GARIN4: variants seen among roughly 807,000 people sequenced by gnomAD.
The protein encoded by GARIN4 is golgi associated RAB2 interactor family member 4.
the GARIN4 span, chr1:212,626,576 G>A: frequency 4.3e-5 from 69 of 1,614,126 alleles, no homozygotes; most frequent in South Asian, 3.6e-4. Flanking sequence ...GGCCATCGCC[G>A]AGACAGCAGA....
the GARIN4 span, chr1:212,625,977 G>C: frequency 6.2e-7 from 1 of 1,614,248 alleles, no homozygotes. Flanking sequence ...CGAGAGGGCA[G>C]TGTGAGCCTG....
chr1:212,625,209 A>T, the GARIN4 span: 1 of 1,613,966 alleles, frequency 6.2e-7, no homozygotes, highest in East Asian at 2.2e-5. Flanking sequence ...AAAAAACGCA[A>T]GGCAGCAAAG....
the GARIN4 span, chr1:212,625,197 GA>G: frequency 1.6e-5 from 26 of 1,613,814 alleles, no homozygotes; most frequent in Non-Finnish European, 2.2e-5. Context: ...GCCACCAAGA[GA>G]AAAAAACGCA....
chr1:212,625,563 AGGTGTGTGG>A, the GARIN4 span: 1 of 1,614,160 alleles, frequency 6.2e-7, no homozygotes, highest in Non-Finnish European at 8.5e-7. Flanking sequence ...ATGGTCTCTG[AGGTGTGTGG>A]GGCCACCTCT....
At chr1:212,624,740 G>A in the GARIN4 span, 1 of 1,415,394 alleles carries the variant, frequency 7.1e-7, no homozygotes, top group Non-Finnish European at 9.2e-7. Flanking sequence ...GGGCCTGTGG[G>A]GTGGGGTGGG....
chr1:212,625,325 T>G, the GARIN4 span: 1 of 1,614,270 alleles, frequency 6.2e-7, no homozygotes, highest in East Asian at 2.2e-5. Context: ...CAGATCTTGC[T>G]ATCTGCAATT....
At chr1:212,626,748 G>A in the GARIN4 span, 29 of 1,497,996 alleles carry the variant, frequency 1.9e-5, no homozygotes, top group Non-Finnish European at 2.3e-5. Flanking sequence ...CTTTACTGCC[G>A]TTTAAATAAA....
At chr1:212,626,046 C>G in the GARIN4 span, 1 of 1,614,222 alleles carries the variant, frequency 6.2e-7, no homozygotes, top group South Asian at 1.1e-5. Context: ...ATGGATGCAG[C>G]AGCGGGACCT....
the GARIN4 span, chr1:212,624,735 T>TGTGGG: frequency 1.4e-6 from 2 of 1,410,240 alleles, no homozygotes; most frequent in Non-Finnish European, 1.8e-6. Context: ...AGTGGGGGCC[T>TGTGGG]GTGGGGTGGG....
At chr1:212,626,099 C>G in the GARIN4 span, 4 of 1,614,098 alleles carry the variant, frequency 2.5e-6, no homozygotes, top group East Asian at 8.9e-5. Context: ...GAGTGGACAG[C>G]ATGGAAGGGA....
At chr1:212,624,808 T>C in the GARIN4 span, 1 of 1,462,802 alleles carries the variant, frequency 6.8e-7, no homozygotes. Context: ...TGGTCCCTCA[T>C]CTGCCACCGA....
At chr1:212,625,920 C>G in the GARIN4 span, 2 of 1,614,198 alleles carry the variant, frequency 1.2e-6, no homozygotes, top group Non-Finnish European at 1.7e-6. Flanking sequence ...GCAGGGGCTG[C>G]AGGCAAGTCC....
the GARIN4 span, chr1:212,624,741 GT>G: frequency 7.0e-7 from 1 of 1,421,470 alleles, no homozygotes. Context: ...GGCCTGTGGG[GT>G]GGGGTGGGAT....
chr1:212,625,749 C>T, the GARIN4 span: 4 of 1,613,790 alleles, frequency 2.5e-6, no homozygotes, highest in African/African-American at 2.7e-5. Context: ...GCAACAGGCA[C>T]CGTAGCAGGT....
the GARIN4 span, chr1:212,625,106 A>G: frequency 1.2e-6 from 2 of 1,614,188 alleles, no homozygotes; most frequent in Non-Finnish European, 1.7e-6. Flanking sequence ...TGCACGTACC[A>G]GCCCCATCCT....
the GARIN4 span, chr1:212,625,196 AG>A: frequency 6.2e-7 from 1 of 1,614,048 alleles, no homozygotes; most frequent in Non-Finnish European, 8.5e-7. Context: ...GGCCACCAAG[AG>A]AAAAAAACGC....
the GARIN4 span, chr1:212,626,454 T>C: frequency 6.2e-7 from 1 of 1,614,008 alleles, no homozygotes; most frequent in Non-Finnish European, 8.5e-7. Flanking sequence ...CTTGGCAGGG[T>C]CAGCTCTTTC....
chr1:212,625,505 C>T, the GARIN4 span: 1 of 1,614,218 alleles, frequency 6.2e-7, no homozygotes, highest in Admixed American at 1.7e-5. Flanking sequence ...AGCCGTGAAC[C>T]TTCAAGGAAA....
At chr1:212,625,905 C>G in the GARIN4 span, 12 of 1,614,222 alleles carry the variant, frequency 7.4e-6, no homozygotes, top group Non-Finnish European at 1.0e-5. Flanking sequence ...ACGAAGGTGG[C>G]TGTGGCAGGG....
Sources: gnomAD v4.1 joint callset for allele counts on GRCh38, gnomAD v4.1.1 for gene constraint, MANE v1.5 for transcripts, NCBI Gene and HGNC (gene_info 2026-07-23, HGNC 2026-07-21) for gene names.